Variants in PDE6C observed in about 807,000 individuals in gnomAD.
PDE6C encodes phosphodiesterase 6C.
A neutral mutation model predicts 113.1 loss-of-function variants in PDE6C; 75 were observed. The observed-to-expected ratio is 0.66, with a 90% CI of 0.55 to 0.80. The LOEUF is 0.80. Ranked by LOEUF, PDE6C falls within the 30% of genes least tolerant of loss-of-function variation. PDE6C has a pLI of 0.00. For synonymous variants in PDE6C, 375 were observed against 363.7 expected (o/e 1.03, Z -0.35); for missense variants, 912 against 1,038.6 (o/e 0.88, Z 1.67).
intron 5 of PDE6C, among the ~76,000 whole-genome samples, chr10:93,626,194 A>G (rs1001581954): frequency 2.6e-5 from 4 of 152,216 alleles, no homozygotes; most frequent in African/African-American, 9.6e-5. Context: ...ACCTGTTCAG[A>G]TAAGTCACTG....
intron 1 of PDE6C, among the ~76,000 whole-genome samples, chr10:93,613,416 A>G (rs2058402676): frequency 6.6e-6 from 1 of 152,208 alleles, no homozygotes; most frequent in South Asian, 2.1e-4. Flanking sequence ...CAGATAAACA[A>G]TGAATTATTA....
rs866394692 is a variant in PDE6C at position 93,655,161 on chromosome 10, G to A, written c.1936-599G>A. ...GAAATGAAGCTGATCCTTATGTGAA[G>A]AGATGTAGTGAGAAACTCTTTGAAG... On this transcript the variant is annotated intron_variant, in intron 15 of 21. Coordinates refer to ENST00000371447, the MANE Select transcript of PDE6C (RefSeq NM_006204.4). 4.6e-5 allele frequency among the ~76,000 whole-genome samples: 7 copies of A among 152,250 alleles called. No homozygotes were observed. The South Asian group carries it at 8.3e-4, about 18-fold the overall frequency.
At chr10:93,641,147 A>C (rs1167575215) in intron 14 of PDE6C, 118 bp downstream of exon 14, 2 of 685,356 alleles carry the variant, frequency 2.9e-6, no homozygotes, top group Non-Finnish European at 5.3e-6. Context: ...CCATGTTGGA[A>C]ATTCCAGGGC....
rs1182428986 is a variant in PDE6C, at chr10:93,614,488, ATC to A, written c.480+1284_480+1285del. On this transcript the variant is annotated intron_variant, in intron 1 of 21. Transcript: ENST00000371447. ...GCTTCAAGTGTCTAAATGGATGCTCATCCTTAGGGCAAAGTTCTCTAGACAAC... is the reference window on the plus strand; with the variant it reads ...GCTTCAAGTGTCTAAATGGATGCTCACTTAGGGCAAAGTTCTCTAGACAAC... Among the ~76,000 whole-genome samples the A allele has an allele frequency of 5.9e-5, 9 of 152,292 alleles. No homozygotes were observed. In the South Asian group the frequency reaches 8.3e-4, roughly 14 times the overall value.
At chr10:93,628,125 C>A (rs534395834) in intron 7 of PDE6C, among the ~76,000 whole-genome samples, 1 of 152,302 alleles carries the variant, frequency 6.6e-6, no homozygotes, top group East Asian at 1.9e-4. Flanking sequence ...AAGGATTTCC[C>A]CAATTCCCAG....
At chr10:93,662,320 G>A (rs1201860353) in intron 19 of PDE6C, among the ~76,000 whole-genome samples, 187 bp downstream of exon 19, 1 of 151,842 alleles carries the variant, frequency 6.6e-6, no homozygotes, top group Non-Finnish European at 1.5e-5. Flanking sequence ...AAAATTAGCT[G>A]GTCATGGTGG....
Position 93,612,599 on chromosome 10 carries a change from C to T in PDE6C, c.-127C>T. 5 of 1,307,710 alleles carry T rather than the reference C, an allele frequency of 3.8e-6. No individual in the cohort carries two copies. Among genetic ancestry groups the T allele is most frequent in the Non-Finnish European group, 2.2e-6 (2 of 915,428 alleles). The allele number at this position is 1,307,710 out of a possible 1,614,324, so 81.0% of individuals were successfully genotyped here. On this transcript the variant is annotated 5_prime_UTR_variant, in exon 1 of 22. Coordinates refer to ENST00000371447, the MANE Select transcript of PDE6C (RefSeq NM_006204.4). The stretch of plus-strand genomic sequence containing the variant: ...GCTTTCTGCTTGACCTTTGGAAGTC[C>T]TATGAGGGACCATTTACGGTTTCCT...
rs1256829376 is a variant in PDE6C at position 93,635,729 on chromosome 10, G to T, written c.1413+89G>T. ...CTAATTACCCAGGGGTCTGACAAAT[G>T]CAAATGGTTTACTCCTGGGCTGAGA... is the stretch of plus-strand genomic sequence containing the variant. On this transcript the variant is annotated intron_variant, in intron 10 of 21. Coordinates refer to ENST00000371447, the MANE Select transcript of PDE6C (RefSeq NM_006204.4). 4 of 1,373,696 alleles carry T rather than the reference G, an allele frequency of 2.9e-6. No individual in the cohort carries two copies. The East Asian group carries it at 9.3e-5, about 32-fold the overall frequency. 85.1% of individuals were successfully genotyped at this position (1,373,696 alleles called of 1,614,324 possible). A position where few individuals can be genotyped will look rare whatever the true frequency, so the allele number is the denominator to read the frequency against.
intron 15 of PDE6C, among the ~76,000 whole-genome samples, chr10:93,654,781 TC>T (rs2058626273): frequency 6.1e-5 from 4 of 65,876 alleles, no homozygotes; most frequent in South Asian, 5.9e-4. Context: ...TTTCTTTCTT[TC>T]TTTCTTTCTT....
In PDE6C at chr10:93,665,471, A is replaced by T; in HGVS notation, c.*53A>T. ...TATCATTTTACCTTTGAAGAAAACC[A>T]GAAAACATTCAAAAGAACTTCAACA... is the stretch of plus-strand genomic sequence containing the variant. On this transcript the variant is annotated 3_prime_UTR_variant, in exon 22 of 22. Coordinates refer to ENST00000371447, the MANE Select transcript of PDE6C (RefSeq NM_006204.4). 1 of 1,180,606 alleles carries T rather than the reference A, an allele frequency of 8.5e-7. No homozygotes were observed. Among genetic ancestry groups the T allele is most frequent in the Non-Finnish European group, 1.3e-6 (1 of 785,780 alleles). The allele number at this position is 1,180,606 out of a possible 1,614,324, so 73.1% of individuals were successfully genotyped here.
At chr10:93,646,074 TA>T in intron 15 of PDE6C, 27 bp downstream of exon 15, 1 of 1,280,188 alleles carries the variant, frequency 7.8e-7, no homozygotes, top group Non-Finnish European at 1.1e-6. Context: ...TTAGGACAGC[TA>T]AACACAAATT....
intron 15 of PDE6C, among the ~76,000 whole-genome samples, chr10:93,651,525 G>A (rs185928399): frequency 6.6e-6 from 1 of 152,310 alleles, no homozygotes; most frequent in Non-Finnish European, 1.5e-5. Context: ...TCACTATCAT[G>A]AGAACAGCGT....
Position 93,640,500 on chromosome 10 carries a change from T to C in PDE6C, c.1680T>C (p.Thr560=). The part of the protein sequence containing the change: ...YTVRKGYRAV[T]YHNWRHGFNV... ...TGAGGAAAGGGTACCGAGCTGTCAC[T>C]TACCACAATTGGCGGCATGGGTTCA... The change falls in exon 13 of 22, where the codon ACT becomes ACC. Residue 560 remains threonine (T), a synonymous_variant. Coordinates refer to ENST00000371447, the MANE Select transcript of PDE6C (RefSeq NM_006204.4). 6.2e-7 allele frequency: 1 copy of C among 1,613,986 alleles called. No individual in the cohort carries two copies. Among genetic ancestry groups the C allele is most frequent in the African/African-American group, 1.3e-5 (1 of 75,034 alleles).
intron 15 of PDE6C, among the ~76,000 whole-genome samples, chr10:93,648,225 A>G (rs1189335986): frequency 6.6e-6 from 1 of 152,112 alleles, no homozygotes; most frequent in Non-Finnish European, 1.5e-5. Flanking sequence ...ATGGCTATAT[A>G]AAGACTTATT....
chr10:93,613,294 T>C, intron 1 of PDE6C, 89 bp downstream of exon 1: 2 of 1,561,878 alleles, frequency 1.3e-6, no homozygotes, highest in Non-Finnish European at 1.7e-6. Context: ...CCTTGTGGCA[T>C]TAGTTTGGCA....
chr10:93,613,302 G>T, intron 1 of PDE6C, 97 bp downstream of exon 1: 1 of 1,525,436 alleles, frequency 6.6e-7, no homozygotes, highest in Non-Finnish European at 8.9e-7. Context: ...CATTAGTTTG[G>T]CAATAACCGG....
chr10:93,652,792 CA>C (rs1427940979), intron 15 of PDE6C, among the ~76,000 whole-genome samples: 1 of 152,112 alleles, frequency 6.6e-6, no homozygotes, highest in Non-Finnish European at 1.5e-5. Flanking sequence ...ACAATTGGTG[CA>C]TAATAAATTT....
At chr10:93,644,797 G>C (rs1424754869) in intron 14 of PDE6C, among the ~76,000 whole-genome samples, 1 of 123,624 alleles carries the variant, frequency 8.1e-6, no homozygotes, top group South Asian at 2.7e-4. Flanking sequence ...TATATATATA[G>C]TATATATATA....
At chr10:93,663,710 A>G (rs2058677157) in intron 21 of PDE6C, among the ~76,000 whole-genome samples, 1 of 152,134 alleles carries the variant, frequency 6.6e-6, no homozygotes, top group South Asian at 2.1e-4. Flanking sequence ...TTTTTCTGGC[A>G]TGAGATTCCT....
Sources: allele counts gnomAD v4.1 joint callset (sites outside exome capture counted in the v4.1 genomes callset), GRCh38; gene constraint gnomAD v4.1.1; transcripts MANE v1.5; gene names NCBI Gene and HGNC (gene_info 2026-07-23, HGNC 2026-07-21).